Variants in MMS22L observed in about 807,000 individuals in gnomAD.
MMS22L encodes MMS22 like, DNA repair protein, also known as protein MMS22-like.
A neutral mutation model predicts 159.1 loss-of-function variants in MMS22L; 74 were observed. That is an observed-to-expected ratio of 0.47 (90% confidence interval 0.39 to 0.56). MMS22L has a LOEUF of 0.56. Ranked by LOEUF, MMS22L falls within the 20% of genes least tolerant of loss-of-function variation. The probability of loss-of-function intolerance (pLI) is 0.00; values close to 1 mark genes in which losing one functional copy is unlikely to be tolerated. For synonymous variants in MMS22L, 517 were observed against 506.9 expected (o/e 1.02, Z -0.27); for missense variants, 1,351 against 1,422.1 (o/e 0.95, Z 0.80).
intron 22 of MMS22L, among the ~76,000 whole-genome samples, chr6:97,154,143 C>G (rs1042562894): frequency 1.3e-5 from 2 of 152,036 alleles, no homozygotes; most frequent in Admixed American, 6.6e-5. Flanking sequence ...TATCTGACTC[C>G]CTCATTATAG....
At chr6:97,197,179 C>T (rs1449141189) in intron 14 of MMS22L, among the ~76,000 whole-genome samples, 1 of 152,118 alleles carries the variant, frequency 6.6e-6, no homozygotes, top group African/African-American at 2.4e-5. Flanking sequence ...CATCCTTTGG[C>T]ATTATAACTA....
chr6:97,258,909 A>G (rs1814123629), intron 9 of MMS22L: 1 of 152,158 alleles, frequency 6.6e-6, no homozygotes. Flanking sequence ...TGTTTCTGTT[A>G]TATTCCATTG....
At chr6:97,218,332 C>T (rs530021458) in intron 14 of MMS22L, among the ~76,000 whole-genome samples, 57 of 152,228 alleles carry the variant, frequency 3.7e-4, no homozygotes, top group South Asian at 2.5e-3. Flanking sequence ...TGCATATGGA[C>T]ACTGGCAAGA....
intron 12 of MMS22L, 132 bp downstream of exon 12, chr6:97,233,729 C>T (rs1039327341): frequency 5.6e-6 from 5 of 890,898 alleles, no homozygotes; most frequent in Non-Finnish European, 6.4e-6. Flanking sequence ...ACGAGCTACT[C>T]CAATCTACTC....
intron 14 of MMS22L, among the ~76,000 whole-genome samples, chr6:97,216,212 G>A (rs1263225345): frequency 2.6e-5 from 4 of 152,168 alleles, no homozygotes; most frequent in East Asian, 1.9e-4. Flanking sequence ...TAGCTTTAGG[G>A]TAACAGTAAG....
chr6:97,254,774 C>A (rs1297293263), intron 9 of MMS22L, 41 bp from the exon 10 acceptor site: 3 of 1,473,820 alleles, frequency 2.0e-6, no homozygotes, highest in Non-Finnish European at 1.8e-6. Context: ...AAGACAGTTT[C>A]AATAACCTTT....
chr6:97,228,421 A>G (rs1270189591), intron 14 of MMS22L, among the ~76,000 whole-genome samples: 1 of 152,234 alleles, frequency 6.6e-6, no homozygotes, highest in Non-Finnish European at 1.5e-5. Context: ...AAATGCCCCA[A>G]AATTCAAAAC....
intron 14 of MMS22L, among the ~76,000 whole-genome samples, chr6:97,206,618 T>C (rs1163280089): frequency 6.6e-6 from 1 of 152,162 alleles, no homozygotes. Flanking sequence ...TCAAACAATA[T>C]ACCTATCAAA....
intron 11 of MMS22L, among the ~76,000 whole-genome samples, chr6:97,239,598 A>C (rs1811834136): frequency 6.6e-6 from 1 of 152,186 alleles, no homozygotes; most frequent in Non-Finnish European, 1.5e-5. Flanking sequence ...AGAATTCAAA[A>C]CATTATTTGC....
chr6:97,201,631 A>G (rs896400718), intron 14 of MMS22L, among the ~76,000 whole-genome samples: 3 of 152,220 alleles, frequency 2.0e-5, no homozygotes, highest in East Asian at 3.8e-4. Flanking sequence ...AAAACCGTGA[A>G]TGTAATTTAT....
At chr6:97,235,536 C>T (rs912220391) in intron 11 of MMS22L, among the ~76,000 whole-genome samples, 4 of 152,166 alleles carry the variant, frequency 2.6e-5, no homozygotes, top group Non-Finnish European at 4.4e-5. Flanking sequence ...AAAAGGAAAC[C>T]AGGCATTGCG....
chr6:97,208,857 T>A (rs994396279), intron 14 of MMS22L, among the ~76,000 whole-genome samples: 2 of 152,184 alleles, frequency 1.3e-5, no homozygotes, highest in Middle Eastern at 3.4e-3. Flanking sequence ...GGAGCATGTA[T>A]CCTCTGCATT....
rs775516023 is a variant in MMS22L at position 97,272,744 on chromosome 6, C to A, written c.566G>T (p.Ser189Ile). 3.1e-6 allele frequency: 5 copies of A among 1,613,294 alleles called. No homozygotes were observed. Among genetic ancestry groups the A allele is most frequent in the Middle Eastern group, 1.6e-4 (1 of 6,082 alleles). The change falls in exon 6 of 25, where the codon AGT becomes ATT. Residue 189 changes from serine (S) to isoleucine (I), a missense_variant. Physicochemically the swap from Ser to Ile is moderately radical, Grantham distance 142. Transcript: ENST00000683635. Reference sequence around the variant, plus strand: ...ATTTACAAATGCTCCTATATTAACACTGGGAAGTTCAGATAGGTGTCCAAT... The same window carrying A: ...ATTTACAAATGCTCCTATATTAACAATGGGAAGTTCAGATAGGTGTCCAAT... The part of the protein sequence containing the change: ...LYIGHLSELP[S>I]VNIGAFVNQN...
At position 97,145,051 on chromosome 6, in the gene MMS22L, CACACACACACACACAA is replaced by C. The variant is rs1490186026; in HGVS notation, c.*1739_*1754del. On this transcript the variant is annotated 3_prime_UTR_variant, in exon 25 of 25. Coordinates refer to ENST00000683635, the MANE Select transcript of MMS22L (RefSeq NM_001350599.2). ...ACACACACACACACACACACACACA[CACACACACACACACAA>C]AAACACATATACACATAAATAACCT... The C allele has an allele frequency of 2.8e-4, 41 of 146,686 alleles. 1 individual carries two copies. Among genetic ancestry groups the C allele is most frequent in the Admixed American group, 1.2e-3 (18 of 14,850 alleles). The allele number at this position is 146,686 out of a possible 1,614,324, so 9.1% of individuals were successfully genotyped here.
Position 97,282,424 on chromosome 6 carries a change from C to G in MMS22L, c.54G>C (p.Glu18Asp). The G allele has an allele frequency of 6.2e-7, 1 of 1,614,108 alleles. No homozygotes were observed. The highest frequency in any genetic ancestry group is 1.3e-5 in the African/African-American group (1 of 75,022). The change falls in exon 2 of 25, where the codon GAG becomes GAC. Residue 18 changes from glutamate (E) to aspartate (D), a missense_variant. By Grantham distance (45) the Glu-to-Asp change is conservative. Coordinates refer to ENST00000683635, the MANE Select transcript of MMS22L (RefSeq NM_001350599.2). ...STFLTDSLEL[E>D]LGTEWCKPPY... ...GAGGTTTGCACCATTCCGTCCCCAG[C>G]TCCAGCTCTAAGCTGTCAGTCAGGA...
intron 9 of MMS22L, among the ~76,000 whole-genome samples, chr6:97,262,275 C>T (rs549423838): frequency 6.6e-6 from 1 of 152,094 alleles, no homozygotes; most frequent in South Asian, 2.1e-4. Flanking sequence ...ATTAAGTTTA[C>T]ATTTATTTGA....
intron 12 of MMS22L, among the ~76,000 whole-genome samples, 198 bp from the exon 13 acceptor site, chr6:97,231,850 C>T (rs1183691959): frequency 6.6e-6 from 1 of 152,012 alleles, no homozygotes; most frequent in Non-Finnish European, 1.5e-5. Context: ...TTGGATTGTC[C>T]CCCAAATGTG....
intron 14 of MMS22L, among the ~76,000 whole-genome samples, chr6:97,214,729 T>A (rs917267912): frequency 2.0e-5 from 3 of 150,434 alleles, no homozygotes; most frequent in Non-Finnish European, 3.0e-5. Context: ...GGAGAAACAT[T>A]TTTCTTCCAT....
At chr6:97,220,647 AAAG>A (rs963568905) in intron 14 of MMS22L, among the ~76,000 whole-genome samples, 3 of 151,816 alleles carry the variant, frequency 2.0e-5, no homozygotes, top group African/African-American at 7.3e-5. Context: ...GGAATTCACC[AAAG>A]AAGACACACG....
Sources: gnomAD v4.1 joint callset for allele counts (sites outside exome capture counted in the v4.1 genomes callset) on GRCh38, gnomAD v4.1.1 for gene constraint, MANE v1.5 for transcripts, NCBI Gene and HGNC (gene_info 2026-07-23, HGNC 2026-07-21) for gene names.